The following CHRM3 variants were observed in gnomAD, a reference collection of about 807,000 sequenced individuals.
CHRM3 encodes the protein muscarinic acetylcholine receptor M3.
Under a neutral mutation model 41.8 loss-of-function variants are expected in CHRM3, and 11 were observed. That is an observed-to-expected ratio of 0.26 (90% CI 0.17 to 0.44). The LOEUF is 0.44. Ranked by LOEUF, CHRM3 falls within the 20% of genes least tolerant of loss-of-function variation. The pLI is 1.00. For synonymous variants in CHRM3, 297 were observed against 301.4 expected, an observed-to-expected ratio of 0.99 and a Z score of 0.15; for missense variants, 571 against 745.4, an observed-to-expected ratio of 0.77 and a Z score of 2.72.
chr1:239,848,263 A>G (rs1674432734), intron 6 of CHRM3, among the ~76,000 whole-genome samples: 2 of 152,140 alleles, frequency 1.3e-5, no homozygotes, highest in Admixed American at 1.3e-4. Flanking sequence ...AGTTGTGAGA[A>G]AATTTTTATG....
chr1:239,441,126 A>T (rs1458035775), intron 1 of CHRM3, among the ~76,000 whole-genome samples: 2 of 152,142 alleles, frequency 1.3e-5, no homozygotes, highest in African/African-American at 4.8e-5. Flanking sequence ...AAATTCTAAA[A>T]CTATTGGCTA....
chr1:239,854,893 C>T (rs1215058661), intron 6 of CHRM3, among the ~76,000 whole-genome samples: 2 of 152,066 alleles, frequency 1.3e-5, no homozygotes, highest in African/African-American at 2.4e-5. Flanking sequence ...TTAATTGCTT[C>T]GTTTTAAAAA....
chr1:239,577,761 A>T (rs1380937791), intron 3 of CHRM3, among the ~76,000 whole-genome samples: 1 of 152,196 alleles, frequency 6.6e-6, no homozygotes, highest in East Asian at 1.9e-4. Flanking sequence ...TATCAGATTT[A>T]TGTATTGGTT....
At chr1:239,534,514 A>C (rs563082386) in intron 2 of CHRM3, among the ~76,000 whole-genome samples, 17 of 152,344 alleles carry the variant, frequency 1.1e-4, no homozygotes, top group Non-Finnish European at 2.1e-4. Context: ...TGCCAAAGTT[A>C]GCCACATCTT....
At position 239,796,472 on chromosome 1, in the gene CHRM3, A is replaced by C. The variant is rs554450218; in HGVS notation, c.-146-30780A>C. Among the ~76,000 whole-genome samples, 8 of 152,284 alleles carry C rather than the reference A, an allele frequency of 5.3e-5. No homozygotes were observed. The South Asian group carries it at 1.5e-3, about 28-fold the overall frequency. The stretch of plus-strand genomic sequence containing the variant: ...TGGCATCGTTTCAGTGTAACTTATC[A>C]CCTGTCTCATAAATAATGAATGGGA... On this transcript the variant is annotated intron_variant, in intron 5 of 6. Transcript: ENST00000676153.
intron 5 of CHRM3, among the ~76,000 whole-genome samples, chr1:239,741,388 T>C (rs1330454771): frequency 6.6e-6 from 1 of 152,162 alleles, no homozygotes; most frequent in Non-Finnish European, 1.5e-5. Flanking sequence ...CTTCCAGGTA[T>C]AGGGTGGACA....
At chr1:239,632,812 A>G (rs1439859558) in intron 4 of CHRM3, among the ~76,000 whole-genome samples, 3 of 152,220 alleles carry the variant, frequency 2.0e-5, no homozygotes, top group African/African-American at 2.4e-5. Flanking sequence ...CCTAAATCCA[A>G]TCCCCCTGTA....
intron 1 of CHRM3, among the ~76,000 whole-genome samples, chr1:239,393,762 C>T (rs1437994030): frequency 1.3e-5 from 2 of 152,168 alleles, no homozygotes; most frequent in African/African-American, 4.8e-5. Context: ...ACTAGTGGCA[C>T]TCACCATTTT....
intron 5 of CHRM3, among the ~76,000 whole-genome samples, chr1:239,693,537 A>G (rs1268106004): frequency 6.6e-6 from 1 of 152,162 alleles, no homozygotes; most frequent in Non-Finnish European, 1.5e-5. Flanking sequence ...GCATTTTGTT[A>G]TGGCAGCCCA....
At chr1:239,643,566 C>G (rs929275007) in intron 4 of CHRM3, among the ~76,000 whole-genome samples, 1 of 152,204 alleles carries the variant, frequency 6.6e-6, no homozygotes, top group Admixed American at 6.5e-5. Context: ...GTAGGACCCT[C>G]CGAGCCAGGT....
intron 5 of CHRM3, among the ~76,000 whole-genome samples, chr1:239,713,850 GGT>G (rs1390616288): frequency 1.3e-5 from 2 of 152,080 alleles, no homozygotes; most frequent in Non-Finnish European, 2.9e-5. Context: ...TATAAAAAAC[GGT>G]GTTCCATTAA....
At chr1:239,561,035 A>G (rs911204495) in intron 3 of CHRM3, among the ~76,000 whole-genome samples, 1 of 152,172 alleles carries the variant, frequency 6.6e-6, no homozygotes, top group Non-Finnish European at 1.5e-5. Flanking sequence ...GTCTCAGAAC[A>G]CATCCCACAT....
At chr1:239,450,010 C>G (rs544884360) in intron 1 of CHRM3, among the ~76,000 whole-genome samples, 1 of 152,256 alleles carries the variant, frequency 6.6e-6, no homozygotes, top group South Asian at 2.1e-4. Flanking sequence ...CTGCCTTAAG[C>G]ATCTCATGGC....
At chr1:239,476,864 C>T (rs181048229) in intron 1 of CHRM3, among the ~76,000 whole-genome samples, 1 of 151,810 alleles carries the variant, frequency 6.6e-6, no homozygotes, top group Non-Finnish European at 1.5e-5. Context: ...TGTTAGGTGA[C>T]AAAATAATAA....
At position 239,813,916 on chromosome 1, in the gene CHRM3, C is replaced by CA. The variant is rs67147618; in HGVS notation, c.-146-13318dup. Among the ~76,000 whole-genome samples, 173 of 103,214 alleles carry CA rather than the reference C, an allele frequency of 1.7e-3. 7 individuals carry two copies. In the East Asian group the frequency reaches 0.019, roughly 11 times the overall value. The allele number at this position is 103,214 out of a possible 152,430, so 67.7% of individuals were successfully genotyped here. ...TGGGCGACAGAGCGAGACTCCGTCT[C>CA]AAAAAAAAAAAAAAAAAACTCACAG... is the stretch of plus-strand genomic sequence containing the variant. On this transcript the variant is annotated intron_variant, in intron 5 of 6. Transcript: ENST00000676153.
intron 4 of CHRM3, among the ~76,000 whole-genome samples, chr1:239,648,533 G>A (rs1671942491): frequency 6.6e-6 from 1 of 152,194 alleles, no homozygotes; most frequent in African/African-American, 2.4e-5. Context: ...TGTCAGTGGA[G>A]GTGAGCCAGC....
At chr1:239,463,995 G>A (rs185780351) in intron 1 of CHRM3, among the ~76,000 whole-genome samples, 8 of 152,090 alleles carry the variant, frequency 5.3e-5, no homozygotes, top group African/African-American at 1.7e-4. Flanking sequence ...TTCAGTTCTC[G>A]GCCAGGCATG....
At chr1:239,509,958 A>G (rs954461218) in intron 2 of CHRM3, among the ~76,000 whole-genome samples, 1 of 152,064 alleles carries the variant, frequency 6.6e-6, no homozygotes, top group Non-Finnish European at 1.5e-5. Flanking sequence ...GCGTGGTGAC[A>G]TGTGCCTGTA....
chr1:239,646,299 G>A (rs1358529820), intron 4 of CHRM3, among the ~76,000 whole-genome samples: 1 of 152,104 alleles, frequency 6.6e-6, no homozygotes, highest in Non-Finnish European at 1.5e-5. Flanking sequence ...TTAATACACA[G>A]CCTATGTGTA....
Sources: allele counts gnomAD v4.1 joint callset (sites outside exome capture counted in the v4.1 genomes callset), GRCh38; gene constraint gnomAD v4.1.1; transcripts MANE v1.5; gene names NCBI Gene and HGNC (gene_info 2026-07-23, HGNC 2026-07-21).